SLC28A3: variants seen among roughly 807,000 people sequenced by gnomAD.
The protein encoded by SLC28A3 is concentrative Na(+)-nucleoside cotransporter 3.
A neutral mutation model predicts 84.2 loss-of-function variants in SLC28A3; 68 were observed. That is an observed-to-expected ratio of 0.81 (90% CI 0.66 to 0.99). SLC28A3 has a LOEUF of 0.99. SLC28A3 is among the 50% of genes least tolerant of loss of function. The pLI, the probability that SLC28A3 is intolerant of heterozygous loss-of-function variation, is 0.00. For synonymous variants in SLC28A3, 267 were observed against 303.6 expected (o/e 0.88, Z 1.25); for missense variants, 712 against 841.5 (o/e 0.85, Z 1.90).
chr9:84,298,401 C>T lies in SLC28A3; in HGVS notation c.670-382G>A, dbSNP rs567330522. 5.9e-5 allele frequency among the ~76,000 whole-genome samples: 9 copies of T among 152,186 alleles called. No homozygotes were observed. In the East Asian group the frequency reaches 1.7e-3, roughly 29 times the overall value. ...ACTCGGGAGGCTGAGGCAGGAGAGTCACTTGAACACAGGAGGCAAGGATTG... is the reference window on the plus strand; with the variant it reads ...ACTCGGGAGGCTGAGGCAGGAGAGTTACTTGAACACAGGAGGCAAGGATTG... On this transcript the variant is annotated intron_variant, in intron 6 of 17. Coordinates refer to ENST00000376238, the MANE Select transcript of SLC28A3 (RefSeq NM_001199633.2).
the SLC28A3 span, among the ~76,000 whole-genome samples, chr9:84,348,353 CAAAAA>C: frequency 1.9e-5 from 2 of 105,484 alleles, no homozygotes. Flanking sequence ...GACTCCGTCT[CAAAAA>C]AAAAAAAAAA....
chr9:84,347,010 A>G, the SLC28A3 span, among the ~76,000 whole-genome samples: 1 of 151,960 alleles, frequency 6.6e-6, no homozygotes, highest in Non-Finnish European at 1.5e-5. Flanking sequence ...TGCTGTCCCT[A>G]CTAAAAATAC....
the SLC28A3 span, among the ~76,000 whole-genome samples, chr9:84,352,126 C>G: frequency 6.6e-6 from 1 of 151,998 alleles, no homozygotes; most frequent in Non-Finnish European, 1.5e-5. Flanking sequence ...GTGAAATGGT[C>G]TCAAACTATA....
chr9:84,302,634 A>T (rs2118314625), intron 4 of SLC28A3, among the ~76,000 whole-genome samples: 1 of 152,308 alleles, frequency 6.6e-6, no homozygotes, highest in Non-Finnish European at 1.5e-5. Context: ...TTATTCTTAC[A>T]GGACCTTCTG....
At chr9:84,283,011 T>C (rs1824818802) in intron 14 of SLC28A3, among the ~76,000 whole-genome samples, 1 of 138,852 alleles carries the variant, frequency 7.2e-6, no homozygotes, top group Non-Finnish European at 1.5e-5. Flanking sequence ...TCCCCACTTT[T>C]ATTCTAGTGC....
chr9:84,364,035 A>G, the SLC28A3 span, among the ~76,000 whole-genome samples: 6 of 152,136 alleles, frequency 3.9e-5, no homozygotes, highest in Non-Finnish European at 5.9e-5. Context: ...ACAGGCATGC[A>G]ATATGTAATA....
At chr9:84,363,376 A>G in the SLC28A3 span, among the ~76,000 whole-genome samples, 3 of 152,220 alleles carry the variant, frequency 2.0e-5, no homozygotes, top group Non-Finnish European at 4.4e-5. Context: ...TGTATTCTTC[A>G]TAACCTTCAA....
intron 6 of SLC28A3, among the ~76,000 whole-genome samples, chr9:84,298,491 AAAAAAC>A (rs1825505506): frequency 6.6e-6 from 1 of 151,930 alleles, no homozygotes; most frequent in Admixed American, 6.5e-5. Context: ...CATCTCAAGA[AAAAAAC>A]AAAAACAAAC....
intron 12 of SLC28A3, among the ~76,000 whole-genome samples, chr9:84,286,445 CTTTTTTTTT>C (rs71498094): frequency 5.7e-5 from 5 of 87,676 alleles, no homozygotes; most frequent in African/African-American, 9.5e-5. Context: ...CCATGCTTGG[CTTTTTTTTT>C]TTTTTTTTTT....
chr9:84,314,937 C>T (rs750737679), intron 1 of SLC28A3, among the ~76,000 whole-genome samples: 28 of 152,064 alleles, frequency 1.8e-4, no homozygotes, highest in Non-Finnish European at 4.0e-4. Flanking sequence ...ATTAGCTGGG[C>T]GTGGTGGCAG....
At chr9:84,288,256 C>T (rs1825076689) in intron 11 of SLC28A3, 78 bp from the exon 12 acceptor site, 5 of 1,591,368 alleles carry the variant, frequency 3.1e-6, no homozygotes, top group Admixed American at 1.7e-5. Context: ...AAGAGCTCCG[C>T]AAGGGAAGAA....
upstream of SLC28A3, among the ~76,000 whole-genome samples, chr9:84,343,894 C>T (rs576881417): frequency 6.6e-6 from 1 of 152,176 alleles, no homozygotes; most frequent in African/African-American, 2.4e-5. Context: ...AGTTTGAGAT[C>T]AGTCTGGGCA....
rs1050252684 is a variant in SLC28A3, at chr9:84,276,070, A to G, written c.*2148T>C. 6 of 152,212 alleles carry G rather than the reference A, an allele frequency of 3.9e-5. No individual in the cohort carries two copies. The highest frequency in any genetic ancestry group is 1.4e-4 in the African/African-American group (6 of 41,452). The allele number at this position is 152,212 out of a possible 1,614,324, so 9.4% of individuals were successfully genotyped here. On this transcript the variant is annotated 3_prime_UTR_variant, in exon 18 of 18. Coordinates refer to ENST00000376238, the MANE Select transcript of SLC28A3 (RefSeq NM_001199633.2). ...TACCTGAAATATGGAGTAACCAAGT[A>G]ACAAATTTTTAAATTTAAAACTGAT...
chr9:84,286,475 C>T (rs540589018), intron 12 of SLC28A3, among the ~76,000 whole-genome samples: 2 of 110,288 alleles, frequency 1.8e-5, no homozygotes, highest in South Asian at 3.0e-4. Flanking sequence ...TTTTAAGAGA[C>T]GGGGTCATGC....
intron 1 of SLC28A3, among the ~76,000 whole-genome samples, chr9:84,329,919 T>C (rs1826713528): frequency 6.6e-6 from 1 of 152,042 alleles, no homozygotes; most frequent in African/African-American, 2.4e-5. Flanking sequence ...TTTATGAATA[T>C]CGCTAAAGCA....
At chr9:84,344,313 C>T (rs191742520), upstream of SLC28A3, among the ~76,000 whole-genome samples, 34 of 151,644 alleles carry the variant, frequency 2.2e-4, no homozygotes, top group East Asian at 4.1e-3. Flanking sequence ...CTCAGTCTCC[C>T]GAGTAGCTGA....
intron 8 of SLC28A3, among the ~76,000 whole-genome samples, chr9:84,295,121 G>A (rs142229240): frequency 6.6e-5 from 10 of 152,150 alleles, no homozygotes; most frequent in African/African-American, 2.2e-4. Context: ...TTCTTTGGCC[G>A]CTCAAACATG....
In SLC28A3 at chr9:84,302,330, A is replaced by G. The variant is rs978284834; in HGVS notation, c.394T>C (p.Phe132Leu). 2.5e-6 allele frequency: 4 copies of G among 1,614,024 alleles called. No individual in the cohort carries two copies. The African/African-American group carries it at 5.3e-5, about 22-fold the overall frequency. Residue 132 changes from phenylalanine to leucine, a missense_variant, in exon 5 of 18, where the codon TTT becomes CTT. Transcript: ENST00000376238. ...VLNFHRALPL[F>L]VITVAAIFFV... Reference sequence around the variant, plus strand: ...AAGATGGCAGCCACGGTGATCACAAAAAGAGGAAGGGCTCTGTGAAAGTTC... The same window carrying G: ...AAGATGGCAGCCACGGTGATCACAAGAAGAGGAAGGGCTCTGTGAAAGTTC...
chr9:84,313,516 A>G (rs1826063436), intron 1 of SLC28A3, 62 bp from the exon 2 acceptor site: 13 of 1,371,676 alleles, frequency 9.5e-6, no homozygotes, highest in Admixed American at 1.9e-5. Context: ...ATGTTCTTTC[A>G]TGAAAAATAC....
Sources: gnomAD v4.1 joint callset for allele counts (sites outside exome capture counted in the v4.1 genomes callset) on GRCh38, gnomAD v4.1.1 for gene constraint, MANE v1.5 for transcripts, NCBI Gene and HGNC (gene_info 2026-07-23, HGNC 2026-07-21) for gene names.